The following CHRM3 variants were observed in gnomAD, a reference collection of about 807,000 sequenced individuals.
The protein encoded by CHRM3 is muscarinic acetylcholine receptor M3.
A neutral mutation model predicts 41.8 loss-of-function variants in CHRM3; 11 were observed. The ratio of observed to expected loss-of-function variants is 0.26; its 90% CI spans 0.17 to 0.44. CHRM3 has a LOEUF of 0.44. Ranked by LOEUF, CHRM3 falls within the 20% of genes least tolerant of loss-of-function variation. The pLI is 1.00. For synonymous variants in CHRM3, 297 were observed against 301.4 expected, an observed-to-expected ratio of 0.99 and a Z score of 0.15; for missense variants, 571 against 745.4, an observed-to-expected ratio of 0.77 and a Z score of 2.72.
At chr1:239,605,974 C>T (rs557579774) in intron 3 of CHRM3, 1 of 152,172 alleles carries the variant, frequency 6.6e-6, no homozygotes, top group Admixed American at 6.5e-5. Flanking sequence ...TGCTAAGAGA[C>T]TATTGGTCTT....
chr1:239,700,135 A>G lies in CHRM3; in HGVS notation c.-147+21847A>G, dbSNP rs1213076135. Among the ~76,000 whole-genome samples, 3 of 152,162 alleles carry G rather than the reference A, an allele frequency of 2.0e-5. No individual in the cohort carries two copies. The East Asian group carries it at 5.8e-4, about 29-fold the overall frequency. ...ATAAAAGAAATACTAAGTAACAACT[A>G]CTGGACTCTTTGCTCATCAACTTGT... On this transcript the variant is annotated intron_variant, in intron 5 of 6. Coordinates refer to ENST00000676153, the MANE Select transcript of CHRM3 (RefSeq NM_001375978.1).
At chr1:239,872,549 A>C (rs1218762755) in intron 6 of CHRM3, among the ~76,000 whole-genome samples, 1 of 152,206 alleles carries the variant, frequency 6.6e-6, no homozygotes, top group South Asian at 2.1e-4. Flanking sequence ...TATCCAGAAC[A>C]TCTGAGAAAT....
chr1:239,417,872 A>C (rs183309564), intron 1 of CHRM3, among the ~76,000 whole-genome samples: 149 of 152,294 alleles, frequency 9.8e-4, no homozygotes, highest in Admixed American at 1.5e-3. Context: ...ACAGCAGATA[A>C]TCAGTTCTAA....
At chr1:239,706,995 A>G (rs1661252899) in intron 5 of CHRM3, 3 of 152,350 alleles carry the variant, frequency 2.0e-5, no homozygotes, top group Non-Finnish European at 4.4e-5. Flanking sequence ...AAAGAAAAAC[A>G]AAGGCAATGT....
At chr1:239,670,050 A>G (rs963852447) in intron 4 of CHRM3, among the ~76,000 whole-genome samples, 1 of 152,234 alleles carries the variant, frequency 6.6e-6, no homozygotes, top group African/African-American at 2.4e-5. Flanking sequence ...ATAAAATAAT[A>G]AGAAGCCAGT....
chr1:239,683,732 T>C (rs548060748), intron 5 of CHRM3, among the ~76,000 whole-genome samples: 42 of 152,308 alleles, frequency 2.8e-4, no homozygotes, highest in African/African-American at 1.0e-3. Flanking sequence ...GCTTCTGAAG[T>C]CATCCAGTCA....
At chr1:239,393,865 A>G (rs1367516043) in intron 1 of CHRM3, among the ~76,000 whole-genome samples, 1 of 152,224 alleles carries the variant, frequency 6.6e-6, no homozygotes, top group Non-Finnish European at 1.5e-5. Context: ...ATAAGTAAAT[A>G]TATAATAAAT....
intron 6 of CHRM3, among the ~76,000 whole-genome samples, chr1:239,873,578 T>C (rs534891116): frequency 7.2e-5 from 11 of 152,042 alleles, no homozygotes; most frequent in Non-Finnish European, 1.5e-4. Context: ...CATTTACAAG[T>C]GAGAACATGC....
At chr1:239,901,150 G>C (rs141674709) in intron 6 of CHRM3, among the ~76,000 whole-genome samples, 2 of 152,128 alleles carry the variant, frequency 1.3e-5, no homozygotes, top group African/African-American at 2.4e-5. Flanking sequence ...CATGAGGCAC[G>C]CATCTTCTTT....
chr1:239,531,734 A>T (rs1247326175), intron 2 of CHRM3, among the ~76,000 whole-genome samples: 1 of 123,188 alleles, frequency 8.1e-6, no homozygotes, highest in Non-Finnish European at 1.6e-5. Flanking sequence ...ATCTTGGCTC[A>T]CTGTAACCTC....
chr1:239,430,097 G>A (rs2103162255), intron 1 of CHRM3, among the ~76,000 whole-genome samples: 2 of 151,014 alleles, frequency 1.3e-5, no homozygotes, highest in Middle Eastern at 6.9e-3. Flanking sequence ...CTCCTGAGTA[G>A]CTGGGACTAC....
chr1:239,602,885 A>C (rs1352156250), intron 3 of CHRM3, among the ~76,000 whole-genome samples: 1 of 152,190 alleles, frequency 6.6e-6, no homozygotes, highest in African/African-American at 2.4e-5. Context: ...GTTGTTGTAT[A>C]GCAGTAATGT....
chr1:239,650,438 C>T (rs2148964355), intron 4 of CHRM3, among the ~76,000 whole-genome samples: 1 of 152,236 alleles, frequency 6.6e-6, no homozygotes, highest in Non-Finnish European at 1.5e-5. Flanking sequence ...AAGCTCCTAA[C>T]ACACAGTAAA....
intron 1 of CHRM3, among the ~76,000 whole-genome samples, chr1:239,476,555 A>G (rs184906294): frequency 1.3e-5 from 2 of 152,268 alleles, no homozygotes; most frequent in East Asian, 3.9e-4. Context: ...ATCGTTGTCA[A>G]ATTGCAGAAA....
At chr1:239,465,070 A>G (rs1230745626) in intron 1 of CHRM3, among the ~76,000 whole-genome samples, 1 of 152,180 alleles carries the variant, frequency 6.6e-6, no homozygotes, top group Non-Finnish European at 1.5e-5. Context: ...GGGGTCTACA[A>G]AATTTTCTGT....
intron 5 of CHRM3, among the ~76,000 whole-genome samples, chr1:239,687,256 T>G (rs1384207655): frequency 6.6e-6 from 1 of 152,172 alleles, no homozygotes; most frequent in Non-Finnish European, 1.5e-5. Context: ...CACTTTAGTT[T>G]ATTTGTTAAT....
At chr1:239,894,495 C>T (rs535762223) in intron 6 of CHRM3, among the ~76,000 whole-genome samples, 30 of 152,204 alleles carry the variant, frequency 2.0e-4, no homozygotes, top group African/African-American at 7.0e-4. Flanking sequence ...TGCAGTAGCA[C>T]GATCTCAGCT....
At chr1:239,630,794 C>T (rs924427874) in intron 3 of CHRM3, among the ~76,000 whole-genome samples, 4 of 152,150 alleles carry the variant, frequency 2.6e-5, no homozygotes, top group African/African-American at 7.2e-5. Flanking sequence ...CACTTACACC[C>T]TCAACCTCAG....
chr1:239,438,362 C>A (rs1452853220), intron 1 of CHRM3, among the ~76,000 whole-genome samples: 1 of 152,140 alleles, frequency 6.6e-6, no homozygotes, highest in Non-Finnish European at 1.5e-5. Context: ...AAGCCCACAT[C>A]CAGCTGAAAG....
Sources: gnomAD v4.1 joint callset for allele counts (sites outside exome capture counted in the v4.1 genomes callset) on GRCh38, gnomAD v4.1.1 for gene constraint, MANE v1.5 for transcripts, NCBI Gene and HGNC (gene_info 2026-07-23, HGNC 2026-07-21) for gene names.